The following PTPN21 variants were observed in gnomAD, a reference collection of about 807,000 sequenced individuals.
PTPN21 encodes tyrosine-protein phosphatase non-receptor type 21.
A neutral mutation model predicts 131.8 loss-of-function variants in PTPN21; 77 were observed. The ratio of observed to expected loss-of-function variants is 0.58; its 90% confidence interval spans 0.49 to 0.71. The LOEUF (loss-of-function observed/expected upper bound fraction) is 0.71, where lower values mean the gene tolerates loss of function less well. PTPN21 is among the 30% of genes least tolerant of loss of function. PTPN21 has a pLI of 0.00. For synonymous variants in PTPN21, 715 were observed against 621.3 expected, an observed-to-expected ratio of 1.15 and a Z score of -2.24; for missense variants, 1,552 against 1,527.1, an observed-to-expected ratio of 1.02 and a Z score of -0.27.
At chr14:88,476,521 T>TA (rs1486743247) in intron 13 of PTPN21, among the ~76,000 whole-genome samples, 2 of 152,204 alleles carry the variant, frequency 1.3e-5, no homozygotes, top group Non-Finnish European at 2.9e-5. Flanking sequence ...TAAAATCAGT[T>TA]ACACTGAATC....
chr14:88,522,257 T>C (rs1289653187), intron 2 of PTPN21, among the ~76,000 whole-genome samples: 1 of 151,526 alleles, frequency 6.6e-6, no homozygotes, highest in East Asian at 1.9e-4. Context: ...TGAAACTCCA[T>C]CTCTACTAAA....
chr14:88,547,491 A>C, intron 2 of PTPN21: 1 of 295,676 alleles, frequency 3.4e-6, no homozygotes, highest in South Asian at 2.9e-5. Flanking sequence ...CAAAAACACA[A>C]GTTAAAAAAA....
rs547274118 is a variant in PTPN21 at position 88,537,629 on chromosome 14, T to C, written c.180+12609A>G. On this transcript the variant is annotated intron_variant, in intron 2 of 18. Transcript: ENST00000556564. ...ATATATTATGCCAGATACTGATAAG[T>C]GCTATGGAGAAAGATCTTGAATTAT... Among the ~76,000 whole-genome samples, 7 of 152,268 alleles carry C rather than the reference T, an allele frequency of 4.6e-5. No individual in the cohort carries two copies. The South Asian group carries it at 1.5e-3, about 32-fold the overall frequency.
intron 2 of PTPN21, among the ~76,000 whole-genome samples, chr14:88,531,033 T>C (rs141637085): frequency 5.2e-4 from 79 of 152,252 alleles, no homozygotes; most frequent in African/African-American, 1.8e-3. Context: ...GACCATATGA[T>C]AGGCCACAAA....
intron 1 of PTPN21, chr14:88,551,820 G>C (rs1178078817): frequency 1.3e-5 from 2 of 152,298 alleles, no homozygotes; most frequent in Non-Finnish European, 2.9e-5. Flanking sequence ...GGGACCACAG[G>C]TGCGCGCCAC....
chr14:88,502,491 T>C (rs1048964928), intron 6 of PTPN21, among the ~76,000 whole-genome samples: 3 of 152,188 alleles, frequency 2.0e-5, no homozygotes, highest in African/African-American at 4.8e-5. Flanking sequence ...TTATAATTAC[T>C]ATAGTGGGTT....
rs534280161 is a variant in PTPN21 at position 88,479,842 on chromosome 14, C to G, written c.1589G>C (p.Arg530Pro). Residue 530 changes from arginine (R) to proline (P), a missense_variant, in exon 13 of 19, where the codon CGG becomes CCG. Coordinates refer to ENST00000556564, the MANE Select transcript of PTPN21 (RefSeq NM_007039.4). ...GCTGACCGCGCCCACCACGGGCCGC[C>G]GCTCGGCAGGGTAGGGGTAGGGAGA... ...SPSPYPYPAE[R>P]RPVVGAVSVP... The G allele has an allele frequency of 3.2e-6, 5 of 1,555,100 alleles. No individual in the cohort carries two copies. In the East Asian group the frequency reaches 9.0e-5, roughly 28 times the overall value.
At chr14:88,528,275 C>T (rs2078509673) in intron 2 of PTPN21, among the ~76,000 whole-genome samples, 1 of 152,066 alleles carries the variant, frequency 6.6e-6, no homozygotes, top group African/African-American at 2.4e-5. Flanking sequence ...TCTACCCATC[C>T]CTGAGCATGG....
chr14:88,546,555 A>G (rs1385870973), intron 2 of PTPN21, among the ~76,000 whole-genome samples: 1 of 147,020 alleles, frequency 6.8e-6, no homozygotes, highest in African/African-American at 2.5e-5. Flanking sequence ...CAGCCTGGGC[A>G]AAAGAGTGAA....
intron 6 of PTPN21, chr14:88,503,918 A>C (rs2078049772): frequency 6.5e-6 from 1 of 152,844 alleles, no homozygotes; most frequent in Admixed American, 6.5e-5. Context: ...AATATGTACA[A>C]GTATACAAAG....
At chr14:88,520,968 T>G (rs1383706655) in intron 2 of PTPN21, among the ~76,000 whole-genome samples, 4 of 152,026 alleles carry the variant, frequency 2.6e-5, no homozygotes, top group Non-Finnish European at 5.9e-5. Context: ...CCCAACCTCC[T>G]AAGTAGCTAG....
At chr14:88,505,657 C>T (rs927895418) in intron 4 of PTPN21, among the ~76,000 whole-genome samples, 3 of 152,116 alleles carry the variant, frequency 2.0e-5, no homozygotes, top group Admixed American at 1.3e-4. Flanking sequence ...AAAACCTACC[C>T]TGTAATCATA....
At chr14:88,512,305 T>C (rs2078198518) in intron 3 of PTPN21, 1 of 152,238 alleles carries the variant, frequency 6.6e-6, no homozygotes, top group Admixed American at 6.5e-5. Flanking sequence ...ATCTTCATAA[T>C]ACCCAATACC....
intron 6 of PTPN21, among the ~76,000 whole-genome samples, chr14:88,504,181 T>C (rs2078054067): frequency 6.6e-6 from 1 of 152,188 alleles, no homozygotes; most frequent in Non-Finnish European, 1.5e-5. Context: ...ACTTCCTCAG[T>C]GTCCTCACTG....
chr14:88,493,616 T>G (rs1238739017), intron 10 of PTPN21, among the ~76,000 whole-genome samples: 1 of 152,230 alleles, frequency 6.6e-6, no homozygotes, highest in East Asian at 1.9e-4. Context: ...TTTGCTTATC[T>G]ATCCAGAAGA....
At position 88,479,869 on chromosome 14, in the gene PTPN21, G is replaced by C. The variant is rs146808465; in HGVS notation, c.1562C>G (p.Pro521Arg). Residue 521 changes from proline (P) to arginine (R), a missense_variant, in exon 13 of 19, where the codon CCG (proline) becomes CGG (arginine). Transcript: ENST00000556564. The part of the protein sequence containing the change: ...PFSLSYSFHS[P>R]SPYPYPAERR... ...CTCGGCAGGGTAGGGGTAGGGAGAC[G>C]GGCTGTGGAAGCTGTAGCTCAGGCT... 3.2e-5 allele frequency: 51 copies of C among 1,576,438 alleles called. No individual in the cohort carries two copies. Among genetic ancestry groups the C allele is most frequent in the African/African-American group, 6.7e-5 (5 of 74,624 alleles).
Position 88,479,666 on chromosome 14 carries a change from TGCTGATGTAAAGGTG to T in PTPN21, c.1750_1764del (p.His584_Ser588del). 8 of 1,510,482 alleles carry T rather than the reference TGCTGATGTAAAGGTG, an allele frequency of 5.3e-6. No individual in the cohort carries two copies. The highest frequency in any genetic ancestry group is 7.0e-6 in the Non-Finnish European group (8 of 1,136,602). The allele number at this position is 1,510,482 out of a possible 1,614,324, so 93.6% of individuals were successfully genotyped here. A position where few individuals can be genotyped will look rare whatever the true frequency, so the allele number is the denominator to read the frequency against. Reference sequence around the variant, plus strand: ...CGCGTGATGAGGTCGGGGTTGCTGCTGCTGATGTAAAGGTGGCGGGACAGGTCTGGCGTGCTGTTG... The same window carrying T: ...CGCGTGATGAGGTCGGGGTTGCTGCTGCGGGACAGGTCTGGCGTGCTGTTG... On this transcript the variant is annotated inframe_deletion, in exon 13 of 19. Transcript: ENST00000556564.
rs574444363 is a variant in PTPN21 at position 88,479,862 on chromosome 14, G to A, written c.1569C>T (p.Pro523=). 1.9e-6 allele frequency: 3 copies of A among 1,571,512 alleles called. No homozygotes were observed. The highest frequency in any genetic ancestry group is 8.6e-7 in the Non-Finnish European group (1 of 1,163,288). The change falls in exon 13 of 19, where the codon CCC becomes CCT. Residue 523 remains proline, a synonymous_variant. Transcript: ENST00000556564. ...SLSYSFHSPS[P]YPYPAERRPV... is the part of the protein sequence containing the mutation. ...GCCGCCGCTCGGCAGGGTAGGGGTA[G>A]GGAGACGGGCTGTGGAAGCTGTAGC...
intron 2 of PTPN21, among the ~76,000 whole-genome samples, chr14:88,524,079 T>TA (rs1368536065): frequency 6.6e-6 from 1 of 152,172 alleles, no homozygotes; most frequent in Non-Finnish European, 1.5e-5. Context: ...TCAAATGCAA[T>TA]ACCTATCACA....
Sources: allele counts gnomAD v4.1 joint callset (sites outside exome capture counted in the v4.1 genomes callset), GRCh38; gene constraint gnomAD v4.1.1; transcripts MANE v1.5; gene names NCBI Gene and HGNC (gene_info 2026-07-23, HGNC 2026-07-21).